Variants in ROBO3 observed in about 807,000 individuals in gnomAD.
ROBO3 encodes roundabout guidance receptor 3.
A neutral mutation model predicts 160.5 loss-of-function variants in ROBO3; 97 were observed. That is an observed-to-expected ratio of 0.60 (90% CI 0.51 to 0.72). The LOEUF is 0.72. Among genes scored for constraint, ROBO3 ranks in the 30% least tolerant of loss-of-function variants. ROBO3 has a pLI of 0.00. For missense variants in ROBO3, 1,858 were observed against 1,846.5 expected (o/e 1.01, Z -0.11); for synonymous variants, 780 against 746.2 (o/e 1.05, Z -0.74).
intron 27 of ROBO3, among the ~76,000 whole-genome samples, 171 bp downstream of exon 27, chr11:124,880,779 C>T (rs945645505): frequency 6.6e-6 from 1 of 152,094 alleles, no homozygotes; most frequent in African/African-American, 2.4e-5. Flanking sequence ...GGGGACTGAG[C>T]GTGGTGGCTC....
Position 124,879,207 on chromosome 11 carries a change from C to T in ROBO3, c.3551C>T (p.Pro1184Leu), listed in dbSNP as rs368839094. The change falls in exon 24 of 28, where the codon CCG (proline) becomes CTG (leucine). Residue 1184 changes from proline to leucine, a missense_variant. Pro to Leu is a moderately conservative substitution (Grantham distance 98, BLOSUM62 -3). Coordinates refer to ENST00000397801, the MANE Select transcript of ROBO3 (RefSeq NM_022370.4). ...HQMPRRVPLG[P>L]SSPLSVSQPM... is the part of the protein sequence containing the mutation. ...CATTGCAGGAGGGTGCCCCTTGGGC[C>T]GAGTTCCCCTCTCAGTGTATCCCAG... 78 of 1,551,820 alleles carry T rather than the reference C, an allele frequency of 5.0e-5. No homozygotes were observed. The African/African-American group carries it at 5.1e-4, about 10-fold the overall frequency.
In ROBO3 at chr11:124,869,442, C is replaced by CCCCCCCCCCA; in HGVS notation, c.488-7_488-6insCCCCCCCCAC. 6.7e-7 allele frequency: 1 copy of CCCCCCCCCCA among 1,501,010 alleles called. No individual in the cohort carries two copies. Among genetic ancestry groups the CCCCCCCCCCA allele is most frequent in the Non-Finnish European group, 9.1e-7 (1 of 1,101,522 alleles). 93.0% of individuals were successfully genotyped at this position (1,501,010 alleles called of 1,614,324 possible). On this transcript the variant is annotated splice_polypyrimidine_tract_variant and splice_region_variant and intron_variant, in intron 2 of 27. Transcript: ENST00000397801. This position sits in a 1 kb window ranked among gnomAD's most constrained non-coding sequence, Gnocchi z 4.2. ...CCTGCTTATTTCGCCCCCCACCGCC[C>CCCCCCCCCCA]CGCCCAGTCCTCCGTGATGATTTCC...
chr11:124,866,460 C>T (rs1946197510), intron 1 of ROBO3, among the ~76,000 whole-genome samples: 3 of 152,342 alleles, frequency 2.0e-5, no homozygotes. Context: ...AGCGCGCCCC[C>T]TGCCTGCCGC....
At chr11:124,875,050 C>T in intron 13 of ROBO3, 61 bp from the exon 14 acceptor site, 1 of 1,518,556 alleles carries the variant, frequency 6.6e-7, no homozygotes, top group Non-Finnish European at 8.9e-7. Flanking sequence ...GCCTGGATGG[C>T]CTGGAGGGCC....
intron 6 of ROBO3, 141 bp downstream of exon 6, chr11:124,870,869 G>A: frequency 6.6e-7 from 1 of 1,516,082 alleles, no homozygotes; most frequent in Non-Finnish European, 9.0e-7. Flanking sequence ...GTGGGAGGAG[G>A]AGAACACTAA....
Position 124,868,933 on chromosome 11 carries a change from T to C in ROBO3, c.292T>C (p.Tyr98His). ...CCGACCCCGACCCAACATTGAGTGG[T>C]ACAAGAACGGGGCGCGTGTGGCCAC... ...EGRPRPNIEW[Y>H]KNGARVATVR... Residue 98 changes from tyrosine to histidine, a missense_variant, in exon 2 of 28, where the codon TAC (tyrosine) becomes CAC (histidine). By Grantham distance (83) the Tyr-to-His change is moderately conservative (BLOSUM62 2). Transcript: ENST00000397801. The C allele has an allele frequency of 1.2e-6, 2 of 1,607,436 alleles. No homozygotes were observed. Among genetic ancestry groups the C allele is most frequent in the Non-Finnish European group, 1.7e-6 (2 of 1,177,670 alleles).
Position 124,869,059 on chromosome 11 carries a change from G to T in ROBO3, c.418G>T (p.Val140Phe). Residue 140 changes from valine (V) to phenylalanine (F), a missense_variant, in exon 2 of 28, where the codon GTC becomes TTC. By Grantham distance (50) the Val-to-Phe change is conservative. Transcript: ENST00000397801. This position sits in a 1 kb window ranked among gnomAD's most constrained non-coding sequence, Gnocchi z 4.2. ...GCGCCGCGCGCGGCCGGACGAAGGT[G>T]TCTACACTTGCGTGGCTCGCAACTA... ...HGRRARPDEG[V>F]YTCVARNYLG... 6.2e-7 allele frequency: 1 copy of T among 1,602,154 alleles called. No homozygotes were observed. The highest frequency in any genetic ancestry group is 8.5e-7 in the Non-Finnish European group (1 of 1,174,754).
chr11:124,868,714 C>A (rs947943893), intron 1 of ROBO3, 88 bp from the exon 2 acceptor site: 1 of 1,323,968 alleles, frequency 7.6e-7, no homozygotes, highest in South Asian at 1.3e-5. Flanking sequence ...GGAGATGGAA[C>A]GACCAGAGGA....
Position 124,880,506 on chromosome 11 carries a change from C to T in ROBO3, c.4047C>T (p.Ser1349=). 1 of 1,591,608 alleles carries T rather than the reference C, an allele frequency of 6.3e-7. No individual in the cohort carries two copies. The highest frequency in any genetic ancestry group is 8.6e-7 in the Non-Finnish European group (1 of 1,168,168). The stretch of plus-strand genomic sequence containing the variant: ...GTTCCACGGCCGGCAGCAACTCTTC[C>T]AGGGGCTCCAGCAGCTCTAGGGGCT... ...STCSTAGSNS[S]RGSSSSRGSR... is the part of the protein sequence containing the mutation. Residue 1349 remains serine, a synonymous_variant, in exon 27 of 28, where the codon TCC becomes TCT. Transcript: ENST00000397801.
At position 124,877,822 on chromosome 11, in the gene ROBO3, T is replaced by C. The variant is rs1359890527; in HGVS notation, c.2987-115T>C. ...GACCTACCTCCACCCTGGTTTAGGA[T>C]GTAAGGCTTGTGTGGGGGAAGAAGT... On this transcript the variant is annotated intron_variant, in intron 20 of 27. Coordinates refer to ENST00000397801, the MANE Select transcript of ROBO3 (RefSeq NM_022370.4). 2.6e-6 allele frequency: 3 copies of C among 1,164,096 alleles called. No individual in the cohort carries two copies. In the South Asian group the frequency reaches 4.1e-5, roughly 16 times the overall value. 72.1% of individuals were successfully genotyped at this position (1,164,096 alleles called of 1,614,324 possible).
Position 124,876,181 on chromosome 11 carries a change from C to T in ROBO3, c.2593+56C>T. ...CTTGACGGGGGCGGGGCAAGCCCCC[C>T]ACTGGGGTAGCTGTGCCTGCCGGGT... On this transcript the variant is annotated intron_variant, in intron 16 of 27. Transcript: ENST00000397801. This position sits in a 1 kb window ranked among gnomAD's most constrained non-coding sequence, Gnocchi z 5.3. 7 of 1,542,990 alleles carry T rather than the reference C, an allele frequency of 4.5e-6. No homozygotes were observed. The highest frequency in any genetic ancestry group is 6.1e-6 in the Non-Finnish European group (7 of 1,150,154).
chr11:124,879,418 T>G (rs774326846), intron 24 of ROBO3, 47 bp from the exon 25 acceptor site: 7 of 1,609,004 alleles, frequency 4.4e-6, no homozygotes, highest in Non-Finnish European at 5.9e-6. Flanking sequence ...GCCTTTTTCC[T>G]GATTTTTGCC....
Position 124,869,140 on chromosome 11 carries a change from T to C in ROBO3, c.487+12T>C, listed in dbSNP as rs1946244622. 5 of 1,531,588 alleles carry C rather than the reference T, an allele frequency of 3.3e-6. No individual in the cohort carries two copies. The highest frequency in any genetic ancestry group is 1.3e-5 in the South Asian group (1 of 77,178). The allele number at this position is 1,531,588 out of a possible 1,614,324, so 94.9% of individuals were successfully genotyped here. A position where few individuals can be genotyped will look rare whatever the true frequency, so the allele number is the denominator to read the frequency against. On this transcript the variant is annotated intron_variant, in intron 2 of 27. Transcript: ENST00000397801. This position sits in a 1 kb window ranked among gnomAD's most constrained non-coding sequence, Gnocchi z 4.2. ...GCTGGAAGTGGCAGGTGAGAGTCAGTTGACCGTCAGCTGGTTGCTTCCAGA... is the reference window on the plus strand; with the variant it reads ...GCTGGAAGTGGCAGGTGAGAGTCAGCTGACCGTCAGCTGGTTGCTTCCAGA...
chr11:124,874,299 C>T (rs917862389), intron 12 of ROBO3, 63 bp downstream of exon 12: 62 of 1,474,890 alleles, frequency 4.2e-5, no homozygotes, highest in Admixed American at 9.7e-5. Context: ...ACCCTCTCCC[C>T]CAAAACCATG....
Position 124,872,238 on chromosome 11 carries a change from GC to G in ROBO3, c.1159-140del. 2.7e-6 allele frequency: 2 copies of G among 747,384 alleles called. No individual in the cohort carries two copies. Among genetic ancestry groups the G allele is most frequent in the South Asian group, 1.6e-5 (1 of 62,772 alleles). 46.3% of individuals were successfully genotyped at this position (747,384 alleles called of 1,614,324 possible). On this transcript the variant is annotated intron_variant, in intron 7 of 27. Transcript: ENST00000397801. The surrounding 1 kb of genome is among the most constrained non-coding windows in gnomAD (Gnocchi z 4.3). Reference sequence around the variant, plus strand: ...TTTTGTGAATACATTTAACTACTTTGCCCAAGTTCACATCACTGCTGGAGAC... The same window carrying G: ...TTTTGTGAATACATTTAACTACTTTGCCAAGTTCACATCACTGCTGGAGAC...
chr11:124,871,827 C>A (rs754058435), intron 7 of ROBO3, among the ~76,000 whole-genome samples: 3 of 152,174 alleles, frequency 2.0e-5, no homozygotes, highest in Non-Finnish European at 4.4e-5. Flanking sequence ...TTTCTAGCAC[C>A]TGGGACTGCT....
At chr11:124,870,577 A>C (rs753989030) in intron 5 of ROBO3, 24 bp from the exon 6 acceptor site, 3 of 1,613,600 alleles carry the variant, frequency 1.9e-6, no homozygotes, top group South Asian at 2.2e-5. Flanking sequence ...TGGCCAACCC[A>C]GCCTGGGGTG....
Position 124,869,436 on chromosome 11 carries a change from A to AC in ROBO3, c.488-12dup, listed in dbSNP as rs59293287. 8 of 1,283,462 alleles carry AC rather than the reference A, an allele frequency of 6.2e-6. No homozygotes were observed. The highest frequency in any genetic ancestry group is 1.6e-5 in the African/African-American group (1 of 62,380). 79.5% of individuals were successfully genotyped at this position (1,283,462 alleles called of 1,614,324 possible). Reference sequence around the variant, plus strand: ...CTACACCCTGCTTATTTCGCCCCCCACCGCCCCGCCCAGTCCTCCGTGATG... The same window carrying AC: ...CTACACCCTGCTTATTTCGCCCCCCACCCGCCCCGCCCAGTCCTCCGTGATG... On this transcript the variant is annotated splice_polypyrimidine_tract_variant and intron_variant, in intron 2 of 27. Transcript: ENST00000397801. This position sits in a 1 kb window ranked among gnomAD's most constrained non-coding sequence, Gnocchi z 4.2.
Position 124,879,552 on chromosome 11 carries a change from A to T in ROBO3, c.3773A>T (p.Tyr1258Phe). The T allele has an allele frequency of 6.2e-7, 1 of 1,613,354 alleles. No individual in the cohort carries two copies. Among genetic ancestry groups the T allele is most frequent in the African/African-American group, 1.3e-5 (1 of 74,954 alleles). ...RFRKKPKALPYRRENSPGDLP... is the reference protein window; with the variant it reads ...RFRKKPKALPFRRENSPGDLP... ...CGGAAGAAACCCAAGGCTCTTCCCT[A>T]CAGGAGGGAGAACAGTCCTGGGGGT... Residue 1258 changes from tyrosine (Y) to phenylalanine (F), a missense_variant, in exon 25 of 28, where the codon TAC (tyrosine) becomes TTC (phenylalanine). Tyr to Phe is a conservative substitution (Grantham distance 22). Transcript: ENST00000397801.
Sources: allele counts gnomAD v4.1 joint callset (sites outside exome capture counted in the v4.1 genomes callset), GRCh38; gene constraint gnomAD v4.1.1; non-coding constraint Gnocchi (gnomAD v3.1); transcripts MANE v1.5; gene names NCBI Gene and HGNC (gene_info 2026-07-23, HGNC 2026-07-21).